The following PTPRD variants were observed in gnomAD, a reference collection of about 807,000 sequenced individuals.
PTPRD encodes receptor-type tyrosine-protein phosphatase delta.
Under a neutral mutation model 214.5 loss-of-function variants are expected in PTPRD, and 34 were observed. That is an observed-to-expected ratio of 0.16 (90% confidence interval 0.12 to 0.21). The LOEUF (loss-of-function observed/expected upper bound fraction) is 0.21, where lower values mean the gene tolerates loss of function less well. PTPRD is among the 10% of genes least tolerant of loss of function. PTPRD has a pLI of 1.00. For synonymous variants in PTPRD, 1,128 were observed against 845.7 expected (o/e 1.33, Z -5.79); for missense variants, 2,545 against 2,398.7 (o/e 1.06, Z -1.27).
chr9:9,966,950 G>A (rs2094747713), intron 4 of PTPRD, among the ~76,000 whole-genome samples: 1 of 152,118 alleles, frequency 6.6e-6, no homozygotes, highest in Non-Finnish European at 1.5e-5. Context: ...ACAAATGCTA[G>A]TCCCATTTGA....
At chr9:9,917,302 G>GAAAAA (rs140708788) in intron 5 of PTPRD, among the ~76,000 whole-genome samples, 105 of 21,116 alleles carry the variant, frequency 5.0e-3, no homozygotes, top group Middle Eastern at 0.071. Flanking sequence ...TAGCTAGACT[G>GAAAAA]AAAAAAAAAA....
chr9:9,824,437 A>G (rs1298960300), intron 5 of PTPRD, among the ~76,000 whole-genome samples: 1 of 151,992 alleles, frequency 6.6e-6, no homozygotes, highest in African/African-American at 2.4e-5. Context: ...TTCATACTAC[A>G]ATTTGCTTAA....
chr9:9,996,141 T>C lies in PTPRD; in HGVS notation c.-472+37577A>G, dbSNP rs79473237. On this transcript the variant is annotated intron_variant, in intron 4 of 45. Transcript: ENST00000381196. ...ATATTATCTTTCTACTGTGATTATA[T>C]GTCATAGAATGTATTGCCCAGAAAT... Among the ~76,000 whole-genome samples, 56 of 152,298 alleles carry C rather than the reference T, an allele frequency of 3.7e-4. No homozygotes were observed. The East Asian group carries it at 0.01, about 28-fold the overall frequency.
chr9:9,946,225 T>C (rs971414558), intron 4 of PTPRD, among the ~76,000 whole-genome samples: 12 of 152,174 alleles, frequency 7.9e-5, no homozygotes, highest in African/African-American at 2.7e-4. Flanking sequence ...ATTATACATC[T>C]TGCTCATTCT....
chr9:9,411,762 A>C (rs182213371), intron 8 of PTPRD, among the ~76,000 whole-genome samples: 107 of 152,368 alleles, frequency 7.0e-4, no homozygotes, highest in Non-Finnish European at 1.0e-3. Flanking sequence ...AATTAACCAA[A>C]GAATTCACAA....
At chr9:9,302,931 C>T (rs1048483449) in intron 9 of PTPRD, among the ~76,000 whole-genome samples, 1 of 151,948 alleles carries the variant, frequency 6.6e-6, no homozygotes, top group Non-Finnish European at 1.5e-5. Context: ...ACTTGCTTCA[C>T]TGAATTGGTA....
At chr9:9,776,809 C>G (rs1294025563) in intron 5 of PTPRD, among the ~76,000 whole-genome samples, 5 of 152,130 alleles carry the variant, frequency 3.3e-5, no homozygotes, top group African/African-American at 1.2e-4. Context: ...TATTCTCTTT[C>G]CAACAACTGC....
At chr9:8,489,252 C>A (rs1413822781) in intron 27 of PTPRD, among the ~76,000 whole-genome samples, 1 of 152,128 alleles carries the variant, frequency 6.6e-6, no homozygotes, top group Non-Finnish European at 1.5e-5. Context: ...GGAGTAATCT[C>A]TTTTGTTTTT....
chr9:10,103,124 G>A (rs1013504376), intron 3 of PTPRD, among the ~76,000 whole-genome samples: 17 of 151,574 alleles, frequency 1.1e-4, no homozygotes, highest in Non-Finnish European at 2.1e-4. Flanking sequence ...GTATAGCTGA[G>A]GGAGAGAAAA....
chr9:8,718,847 G>A lies in PTPRD; in HGVS notation c.64+14933C>T, dbSNP rs1202479555. ...CCCACAAAAGCGTTTCAGTTTGCTG[G>A]CACGATGGAGCGTAGTGTTATTTCC... On this transcript the variant is annotated intron_variant, in intron 12 of 45. Transcript: ENST00000381196. 4.6e-5 allele frequency among the ~76,000 whole-genome samples: 7 copies of A among 152,230 alleles called. No homozygotes were observed. The East Asian group carries it at 1.2e-3, about 25-fold the overall frequency.
intron 11 of PTPRD, among the ~76,000 whole-genome samples, chr9:8,744,052 T>C (rs1485274411): frequency 6.6e-6 from 1 of 151,986 alleles, no homozygotes; most frequent in Non-Finnish European, 1.5e-5. Flanking sequence ...AAATGCTCCC[T>C]GATCACTAAT....
At chr9:10,393,704 T>G (rs1565749829) in intron 2 of PTPRD, among the ~76,000 whole-genome samples, 1 of 147,218 alleles carries the variant, frequency 6.8e-6, no homozygotes, top group South Asian at 2.1e-4. Context: ...ATATAATATA[T>G]ATAATATATA....
intron 9 of PTPRD, among the ~76,000 whole-genome samples, chr9:9,381,675 T>TG (rs1342582246): frequency 4.5e-5 from 5 of 111,854 alleles, no homozygotes; most frequent in East Asian, 2.9e-4. Context: ...AAAAAGTGTT[T>TG]GTTTTTTTTT....
At chr9:8,721,320 C>T (rs1395823406) in intron 12 of PTPRD, among the ~76,000 whole-genome samples, 1 of 151,046 alleles carries the variant, frequency 6.6e-6, no homozygotes, top group Non-Finnish European at 1.5e-5. Flanking sequence ...ATCCTAGCTA[C>T]TCGAGAGGCT....
rs201651867 is a variant in PTPRD at position 8,484,384 on chromosome 9, G to C, written c.3154-6C>G. The stretch of plus-strand genomic sequence containing the variant: ...TTCCCATCATCATAAAGAATCTAAA[G>C]AGATAAAACCAATAAAAAAAAAATC... On this transcript the variant is annotated splice_polypyrimidine_tract_variant and splice_region_variant and intron_variant, in intron 29 of 45. Transcript: ENST00000381196. 1.9e-6 allele frequency: 3 copies of C among 1,604,994 alleles called. No homozygotes were observed. The Admixed American group carries it at 5.1e-5, about 27-fold the overall frequency.
chr9:9,333,176 T>C (rs973838758), intron 9 of PTPRD, among the ~76,000 whole-genome samples: 2 of 151,778 alleles, frequency 1.3e-5, no homozygotes, highest in Non-Finnish European at 2.9e-5. Flanking sequence ...TAATATAGAA[T>C]ACATAGATAA....
chr9:9,954,136 A>T (rs1197495208), intron 4 of PTPRD, among the ~76,000 whole-genome samples: 1 of 151,572 alleles, frequency 6.6e-6, no homozygotes, highest in Non-Finnish European at 1.5e-5. Flanking sequence ...TCTCTACAAA[A>T]AATACAAAAA....
chr9:9,197,294 C>G (rs2099939147), intron 9 of PTPRD, among the ~76,000 whole-genome samples: 4 of 152,094 alleles, frequency 2.6e-5, no homozygotes, highest in Non-Finnish European at 5.9e-5. Context: ...CCCCATAGTT[C>G]CCCGATGGCT....
chr9:9,710,464 A>C (rs1483071813), intron 7 of PTPRD, among the ~76,000 whole-genome samples: 1 of 152,084 alleles, frequency 6.6e-6, no homozygotes, highest in Non-Finnish European at 1.5e-5. Context: ...TAAATATGTA[A>C]AAACAGAAAT....
Sources: allele counts gnomAD v4.1 joint callset (sites outside exome capture counted in the v4.1 genomes callset), GRCh38; gene constraint gnomAD v4.1.1; transcripts MANE v1.5; gene names NCBI Gene and HGNC (gene_info 2026-07-23, HGNC 2026-07-21).